ASB18: variants seen among roughly 807,000 people sequenced by gnomAD.
ASB18 encodes the protein ankyrin repeat and SOCS box protein 18.
ASB18 carries 33 observed loss-of-function variants against 33.4 expected under a neutral mutation model. That is an observed-to-expected ratio of 0.99 (90% confidence interval 0.75 to 1.32). The LOEUF is 1.32. Ranked by LOEUF, ASB18 falls within the 40% of genes most tolerant of loss-of-function variation. ASB18 has a pLI of 0.00. For missense variants in ASB18, 694 were observed against 655.5 expected (o/e 1.06, Z -0.64); for synonymous variants, 295 against 307.6 (o/e 0.96, Z 0.43).
At position 236,252,267 on chromosome 2, in the gene ASB18, T is replaced by TCACA. The variant is rs113672805; in HGVS notation, c.206-10869_206-10866dup. On this transcript the variant is annotated intron_variant, in intron 1 of 5. Coordinates refer to ENST00000409749, the MANE Select transcript of ASB18 (RefSeq NM_212556.4). This position sits in a 1 kb window ranked among gnomAD's most constrained non-coding sequence, Gnocchi z 7.9. ...GCCTTGGCAACAGAGTGAGACTCCG[T>TCACA]CACACACACACACACACACACACAC... is the stretch of plus-strand genomic sequence containing the variant. Among the ~76,000 whole-genome samples, 33,972 of 138,290 alleles carry TCACA rather than the reference T, an allele frequency of 0.25. 4,748 individuals are homozygous for TCACA. The highest frequency in any genetic ancestry group is 0.41 in the East Asian group (1,786 of 4,366). 90.7% of individuals were successfully genotyped at this position (138,290 alleles called of 152,430 possible). A position where few individuals can be genotyped will look rare whatever the true frequency, so the allele number is the denominator to read the frequency against.
At position 236,214,624 on chromosome 2, in the gene ASB18, A is replaced by G. The variant is rs1334354875; in HGVS notation, c.839T>C (p.Leu280Pro). The G allele has an allele frequency of 1.5e-5, 18 of 1,194,934 alleles. No individual in the cohort carries two copies. The highest frequency in any genetic ancestry group is 1.9e-5 in the Non-Finnish European group (18 of 966,252). 74.0% of individuals were successfully genotyped at this position (1,194,934 alleles called of 1,614,324 possible). A position where few individuals can be genotyped will look rare whatever the true frequency, so the allele number is the denominator to read the frequency against. The change falls in exon 4 of 6, where the codon CTG (leucine) becomes CCG (proline). Residue 280 changes from leucine to proline, a missense_variant. Coordinates refer to ENST00000409749, the MANE Select transcript of ASB18 (RefSeq NM_212556.4). This position sits in a 1 kb window ranked among gnomAD's most constrained non-coding sequence, Gnocchi z 6.5. ...CGCGTCCGCCTCCGCCCCGCGCCGC[A>G]GCAGCAGCGCGCACAGGCGCAGGCA... ...GRCLRLCALL[L>P]RRGAEADARD...
In ASB18 at chr2:236,261,218, A is replaced by G. The variant is rs150663198; in HGVS notation, c.205+2923T>C. 7.0e-3 allele frequency among the ~76,000 whole-genome samples: 1,070 copies of G among 152,306 alleles called. 16 individuals carry two copies. Among genetic ancestry groups the G allele is most frequent in the African/African-American group, 0.024 (1,017 of 41,562 alleles). On this transcript the variant is annotated intron_variant, in intron 1 of 5. Transcript: ENST00000409749. ...TTCAAAGAGGTGGTGTGACATGTGC[A>G]AGGTCACACAGGTCATGGGAGAGCT... is the stretch of plus-strand genomic sequence containing the variant.
chr2:236,220,510 T>C lies in ASB18; in HGVS notation c.597-5644A>G, dbSNP rs1164029389. Among the ~76,000 whole-genome samples the C allele has an allele frequency of 1.3e-5, 2 of 151,846 alleles. No homozygotes were observed. Among genetic ancestry groups the C allele is most frequent in the African/African-American group, 4.8e-5 (2 of 41,294 alleles). On this transcript the variant is annotated intron_variant, in intron 3 of 5. Transcript: ENST00000409749. This position sits in a 1 kb window ranked among gnomAD's most constrained non-coding sequence, Gnocchi z 5.1. Reference sequence around the variant, plus strand: ...CTGGAAATGCTGCTTCTCTGCCTCCTGGTTCTGAACTGAAAGGTCTTTTGG... The same window carrying C: ...CTGGAAATGCTGCTTCTCTGCCTCCCGGTTCTGAACTGAAAGGTCTTTTGG...
At position 236,201,741 on chromosome 2, in the gene ASB18, C is replaced by T. The variant is rs886824459; in HGVS notation, c.1102-5356G>A. Among the ~76,000 whole-genome samples, 5 of 150,884 alleles carry T rather than the reference C, an allele frequency of 3.3e-5. No individual in the cohort carries two copies. In the East Asian group the frequency reaches 7.8e-4, roughly 24 times the overall value. ...TGTGATAGATATGAATTAAGAATCA[C>T]CTAAATTATTTTTCAGTCATTTTCT... On this transcript the variant is annotated intron_variant, in intron 4 of 5. Coordinates refer to ENST00000409749, the MANE Select transcript of ASB18 (RefSeq NM_212556.4).
At position 236,214,372 on chromosome 2, in the gene ASB18, G is replaced by C. The variant is rs572054643; in HGVS notation, c.1091C>G (p.Ala364Gly). ...NHGSPTVWPDAFPKVLKTCAS... is the reference protein window; with the variant it reads ...NHGSPTVWPDGFPKVLKTCAS... ...TGGATCCTGCCTTACCTTGGGGAAG[G>C]CGTCGGGCCACACGGTGGGAGAGCC... Residue 364 changes from alanine (A) to glycine (G), a missense_variant, in exon 4 of 6, where the codon GCC (alanine) becomes GGC (glycine). By Grantham distance (60) the Ala-to-Gly change is moderately conservative (BLOSUM62 0). Coordinates refer to ENST00000409749, the MANE Select transcript of ASB18 (RefSeq NM_212556.4). This position sits in a 1 kb window ranked among gnomAD's most constrained non-coding sequence, Gnocchi z 6.5. 5 of 1,575,412 alleles carry C rather than the reference G, an allele frequency of 3.2e-6. No individual in the cohort carries two copies. In the East Asian group the frequency reaches 1.2e-4, roughly 37 times the overall value.
intron 4 of ASB18, among the ~76,000 whole-genome samples, chr2:236,198,619 G>A (rs2060385450): frequency 6.6e-6 from 1 of 152,174 alleles, no homozygotes; most frequent in Admixed American, 6.5e-5. Context: ...GCCCACCTCA[G>A]CCTCCCAAAG....
rs2060495324 is a variant in ASB18 at position 236,217,979 on chromosome 2, A to G, written c.597-3113T>C. Among the ~76,000 whole-genome samples, 1 of 152,234 alleles carries G rather than the reference A, an allele frequency of 6.6e-6. No homozygotes were observed. The highest frequency in any genetic ancestry group is 2.4e-5 in the African/African-American group (1 of 41,466). On this transcript the variant is annotated intron_variant, in intron 3 of 5. Transcript: ENST00000409749. The surrounding 1 kb of genome is among the most constrained non-coding windows in gnomAD (Gnocchi z 5.2). ...CTGAGCCTGTGTGCACTTGCAAACA[A>G]TTACAAAACATTTTCTTCTTTTTAA... is the stretch of plus-strand genomic sequence containing the variant.
intron 3 of ASB18, among the ~76,000 whole-genome samples, chr2:236,232,177 GA>G (rs1336465345): frequency 6.7e-6 from 1 of 150,326 alleles, no homozygotes; most frequent in Non-Finnish European, 1.5e-5. Flanking sequence ...AGCCATAATG[GA>G]ATTAAATTAG....
At chr2:236,224,434 C>T (rs952670469) in intron 3 of ASB18, among the ~76,000 whole-genome samples, 4 of 152,032 alleles carry the variant, frequency 2.6e-5, no homozygotes, top group Admixed American at 6.5e-5. Context: ...GACCAGAAAG[C>T]TGAAGAATGT....
At chr2:236,233,328 A>G (rs2060575522) in intron 3 of ASB18, among the ~76,000 whole-genome samples, 1 of 152,130 alleles carries the variant, frequency 6.6e-6, no homozygotes, top group African/African-American at 2.4e-5. Flanking sequence ...TACAGCTAAT[A>G]TCATACTTAG....
rs1029638339 is a variant in ASB18, at chr2:236,253,400, C to T, written c.205+10741G>A. On this transcript the variant is annotated intron_variant, in intron 1 of 5. Coordinates refer to ENST00000409749, the MANE Select transcript of ASB18 (RefSeq NM_212556.4). The surrounding 1 kb of genome is among the most constrained non-coding windows in gnomAD (Gnocchi z 5.4). Reference sequence around the variant, plus strand: ...ATTTTTGTTTTTATTTTTTTAAGGACAGCGTCTCACTCTGTTGCCTAGGCT... The same window carrying T: ...ATTTTTGTTTTTATTTTTTTAAGGATAGCGTCTCACTCTGTTGCCTAGGCT... 6.6e-6 allele frequency among the ~76,000 whole-genome samples: 1 copy of T among 152,080 alleles called. No individual in the cohort carries two copies. The highest frequency in any genetic ancestry group is 1.5e-5 in the Non-Finnish European group (1 of 68,018).
rs2060686934 is a variant in ASB18 at position 236,255,247 on chromosome 2, G to T, written c.205+8894C>A. 6.6e-6 allele frequency among the ~76,000 whole-genome samples: 1 copy of T among 152,002 alleles called. No homozygotes were observed. The highest frequency in any genetic ancestry group is 1.5e-5 in the Non-Finnish European group (1 of 68,004). The stretch of plus-strand genomic sequence containing the variant: ...CAACCTCCTCCTCCCAGGTTCAAGC[G>T]ATTCTCCTGCCTCAGCCTCTTGAGT... On this transcript the variant is annotated intron_variant, in intron 1 of 5. Transcript: ENST00000409749. This position sits in a 1 kb window ranked among gnomAD's most constrained non-coding sequence, Gnocchi z 4.4.
Position 236,200,288 on chromosome 2 carries a change from G to T in ASB18, c.1102-3903C>A, listed in dbSNP as rs530068716. Among the ~76,000 whole-genome samples, 80 of 152,266 alleles carry T rather than the reference G, an allele frequency of 5.3e-4. No individual in the cohort carries two copies. The highest frequency in any genetic ancestry group is 1.8e-3 in the African/African-American group (76 of 41,536). On this transcript the variant is annotated intron_variant, in intron 4 of 5. Coordinates refer to ENST00000409749, the MANE Select transcript of ASB18 (RefSeq NM_212556.4). This position sits in a 1 kb window ranked among gnomAD's most constrained non-coding sequence, Gnocchi z 4.2. ...TGCTTGAATCCAGGAGGTGGAGGTT[G>T]CAGTGAGCTGAGATCATGCCACTGC...
chr2:236,227,609 A>G (rs1414013426), intron 3 of ASB18, among the ~76,000 whole-genome samples: 19 of 152,254 alleles, frequency 1.2e-4, no homozygotes. Context: ...ATGTGGTAAA[A>G]TATCTATGTG....
intron 1 of ASB18, among the ~76,000 whole-genome samples, chr2:236,246,852 G>T (rs530934531): frequency 1.3e-5 from 2 of 152,204 alleles, no homozygotes; most frequent in East Asian, 3.9e-4. Flanking sequence ...CAGACTAATT[G>T]TTTGTGATTG....
At position 236,234,537 on chromosome 2, in the gene ASB18, C is replaced by T. The variant is rs2060580115; in HGVS notation, c.596+3152G>A. On this transcript the variant is annotated intron_variant, in intron 3 of 5. Transcript: ENST00000409749. This position sits in a 1 kb window ranked among gnomAD's most constrained non-coding sequence, Gnocchi z 4.1. ...CTTTATATAATAGAGTGGCTCCTCA[C>T]GTCTTCACCAGGTGAACCAGTCAGA... 1.3e-5 allele frequency among the ~76,000 whole-genome samples: 2 copies of T among 152,304 alleles called. No individual in the cohort carries two copies. Among genetic ancestry groups the T allele is most frequent in the South Asian group, 2.1e-4 (1 of 4,824 alleles).
rs1186938004 is a variant in ASB18 at position 236,241,400 on chromosome 2, C to G, written c.208G>C (p.Asp70His). 2.5e-6 allele frequency: 4 copies of G among 1,613,814 alleles called. No individual in the cohort carries two copies. In the African/African-American group the frequency reaches 4.0e-5, roughly 16 times the overall value. The change falls in exon 2 of 6, where the codon GAC (aspartate) becomes CAC (histidine). Residue 70 changes from aspartate (D) to histidine (H), a missense_variant and splice_region_variant. By Grantham distance (81) the Asp-to-His change is moderately conservative. Coordinates refer to ENST00000409749, the MANE Select transcript of ASB18 (RefSeq NM_212556.4). The surrounding 1 kb of genome is among the most constrained non-coding windows in gnomAD (Gnocchi z 4.2). ...ATGAGGGGCTTCAGATGGTCGAGGT[C>G]CCCTGCGACCAGGGCAGTGTGGTAC... ...AQLPTGMLLG[D>H]LDHLKPLMDQ...
In ASB18 at chr2:236,238,088, G is replaced by T. The variant is rs147556074; in HGVS notation, c.329-132C>A. On this transcript the variant is annotated intron_variant, in intron 2 of 5. Coordinates refer to ENST00000409749, the MANE Select transcript of ASB18 (RefSeq NM_212556.4). The surrounding 1 kb of genome is among the most constrained non-coding windows in gnomAD (Gnocchi z 5.2). Reference sequence around the variant, plus strand: ...GTACCAGGTAGGCATGTAGGGAGAAGAGGATAGAATCAGAGACGCACACAG... The same window carrying T: ...GTACCAGGTAGGCATGTAGGGAGAATAGGATAGAATCAGAGACGCACACAG... 120 of 678,590 alleles carry T rather than the reference G, an allele frequency of 1.8e-4. 1 individual carries two copies. The African/African-American group carries it at 1.9e-3, about 11-fold the overall frequency. The allele number at this position is 678,590 out of a possible 1,614,324, so 42.0% of individuals were successfully genotyped here.
In ASB18 at chr2:236,195,754, G is replaced by A. The variant is rs748091003; in HGVS notation, c.1215+518C>T. Among the ~76,000 whole-genome samples, 8 of 152,108 alleles carry A rather than the reference G, an allele frequency of 5.3e-5. No individual in the cohort carries two copies. Among genetic ancestry groups the A allele is most frequent in the Non-Finnish European group, 7.4e-5 (5 of 68,022 alleles). ...TGGTCTTGAACTCCTGACCTCAAGC[G>A]ATCTGCCTGCCTTGGCCTCTCAAAG... On this transcript the variant is annotated intron_variant, in intron 5 of 5. Coordinates refer to ENST00000409749, the MANE Select transcript of ASB18 (RefSeq NM_212556.4). This position sits in a 1 kb window ranked among gnomAD's most constrained non-coding sequence, Gnocchi z 5.5.
Sources: allele counts gnomAD v4.1 joint callset (sites outside exome capture counted in the v4.1 genomes callset), GRCh38; gene constraint gnomAD v4.1.1; non-coding constraint Gnocchi (gnomAD v3.1); transcripts MANE v1.5; gene names NCBI Gene and HGNC (gene_info 2026-07-23, HGNC 2026-07-21).